Variants in PRKAR2B observed in about 807,000 individuals in gnomAD.
The protein encoded by PRKAR2B is protein kinase cAMP-dependent type II regulatory subunit beta, also known as cAMP-dependent protein kinase type II-beta regulatory subunit.
In PRKAR2B, 14 loss-of-function variants were observed where a neutral mutation model predicts 49.9. The observed-to-expected ratio is 0.28, with a 90% CI of 0.19 to 0.44. The LOEUF (loss-of-function observed/expected upper bound fraction) is 0.44. Ranked by LOEUF, PRKAR2B falls within the 20% of genes least tolerant of loss-of-function variation. The pLI, the probability that PRKAR2B is intolerant of heterozygous loss-of-function variation, is 1.00. For missense variants in PRKAR2B, 393 were observed against 537.9 expected, an observed-to-expected ratio of 0.73 and a Z score of 2.67; for synonymous variants, 196 against 197.7, an observed-to-expected ratio of 0.99 and a Z score of 0.07.
intron 2 of PRKAR2B, among the ~76,000 whole-genome samples, chr7:107,085,773 C>G (rs946046431): frequency 6.6e-6 from 1 of 152,154 alleles, no homozygotes; most frequent in African/African-American, 2.4e-5. Context: ...CTTAAAGCCA[C>G]CTCTTGCTTC....
At chr7:107,137,434 AATGGAT>A (rs1795718318) in intron 4 of PRKAR2B, among the ~76,000 whole-genome samples, 1 of 152,214 alleles carries the variant, frequency 6.6e-6, no homozygotes, top group African/African-American at 2.4e-5. Flanking sequence ...CTTTTTGGTG[AATGGAT>A]ATATGACAGC....
At chr7:107,120,404 G>A (rs1333336486) in intron 2 of PRKAR2B, among the ~76,000 whole-genome samples, 1 of 152,112 alleles carries the variant, frequency 6.6e-6, no homozygotes, top group Admixed American at 6.5e-5. Flanking sequence ...GGTGTTTAGA[G>A]TGGTGCCTGG....
chr7:107,054,527 C>A (rs1226718661), intron 1 of PRKAR2B, among the ~76,000 whole-genome samples: 5 of 152,134 alleles, frequency 3.3e-5, no homozygotes, highest in African/African-American at 1.2e-4. Flanking sequence ...TATATTTTAC[C>A]CTACCAAATA....
intron 2 of PRKAR2B, among the ~76,000 whole-genome samples, chr7:107,109,971 G>A (rs370870601): frequency 2.6e-5 from 4 of 152,282 alleles, no homozygotes; most frequent in African/African-American, 9.6e-5. Flanking sequence ...AGCACTCACA[G>A]TACCTGTTTT....
At chr7:107,071,364 A>G (rs1013437525) in intron 2 of PRKAR2B, among the ~76,000 whole-genome samples, 1 of 152,208 alleles carries the variant, frequency 6.6e-6, no homozygotes, top group Non-Finnish European at 1.5e-5. Flanking sequence ...TTATGTAGTG[A>G]CCAGGTCTAT....
rs368560598 is a variant in PRKAR2B, at chr7:107,143,006, G to A, written c.587+2053G>A. On this transcript the variant is annotated intron_variant, in intron 5 of 10. Transcript: ENST00000265717. ...TCGAACTCCTGCCTTCAGGTAATCCGCCTGCCTTGGCTTCCCAAAGTGGTG... is the reference window on the plus strand; with the variant it reads ...TCGAACTCCTGCCTTCAGGTAATCCACCTGCCTTGGCTTCCCAAAGTGGTG... Among the ~76,000 whole-genome samples, 13 of 152,190 alleles carry A rather than the reference G, an allele frequency of 8.5e-5. No homozygotes were observed. The South Asian group carries it at 2.1e-3, about 24-fold the overall frequency.
chr7:107,124,022 T>C (rs980452278), intron 3 of PRKAR2B, among the ~76,000 whole-genome samples: 1 of 152,176 alleles, frequency 6.6e-6, no homozygotes, highest in Non-Finnish European at 1.5e-5. Context: ...TTGGGAAATA[T>C]CTATGAGGAA....
chr7:107,077,594 A>G (rs972705192), intron 2 of PRKAR2B, among the ~76,000 whole-genome samples: 1 of 152,216 alleles, frequency 6.6e-6, no homozygotes, highest in African/African-American at 2.4e-5. Context: ...TCAAGCACCT[A>G]TGGCATGGAG....
chr7:107,068,081 G>C (rs573240709), intron 1 of PRKAR2B, among the ~76,000 whole-genome samples: 1 of 152,128 alleles, frequency 6.6e-6, no homozygotes, highest in Non-Finnish European at 1.5e-5. Context: ...CTGAATTACC[G>C]TGACAATCAA....
At chr7:107,109,958 G>A (rs1028169945) in intron 2 of PRKAR2B, among the ~76,000 whole-genome samples, 3 of 152,084 alleles carry the variant, frequency 2.0e-5, no homozygotes, top group Non-Finnish European at 2.9e-5. Flanking sequence ...CCAAAATCAG[G>A]TGAGCACTCA....
At chr7:107,134,029 T>TG (rs1035918986) in intron 4 of PRKAR2B, among the ~76,000 whole-genome samples, 1 of 152,076 alleles carries the variant, frequency 6.6e-6, no homozygotes, top group African/African-American at 2.4e-5. Context: ...CCTGTTTTTT[T>TG]TTGTTGTTGT....
intron 4 of PRKAR2B, 94 bp from the exon 5 acceptor site, chr7:107,140,753 C>A: frequency 1.2e-6 from 1 of 838,720 alleles, no homozygotes; most frequent in Middle Eastern, 3.6e-4. Context: ...ATTTCCATTT[C>A]TTTGGACTTG....
chr7:107,130,380 T>TG (rs1795583468), intron 4 of PRKAR2B, among the ~76,000 whole-genome samples: 1 of 151,922 alleles, frequency 6.6e-6, no homozygotes, highest in Non-Finnish European at 1.5e-5. Context: ...CGGGCGCCTG[T>TG]AGTCCCAGCT....
At chr7:107,136,978 A>C (rs912625812) in intron 4 of PRKAR2B, among the ~76,000 whole-genome samples, 1 of 152,226 alleles carries the variant, frequency 6.6e-6, no homozygotes, top group Non-Finnish European at 1.5e-5. Context: ...TGAGTGATCT[A>C]GTTATGAAAA....
At chr7:107,072,603 A>G (rs993830277) in intron 2 of PRKAR2B, among the ~76,000 whole-genome samples, 2 of 152,202 alleles carry the variant, frequency 1.3e-5, no homozygotes, top group South Asian at 2.1e-4. Context: ...TTTTTGACAA[A>G]GAATATAGAA....
At chr7:107,145,804 A>C (rs972004478) in intron 5 of PRKAR2B, among the ~76,000 whole-genome samples, 3 of 148,154 alleles carry the variant, frequency 2.0e-5, no homozygotes, top group Admixed American at 6.8e-5. Context: ...CAGTGGCACA[A>C]TCTCGGCTCA....
intron 3 of PRKAR2B, among the ~76,000 whole-genome samples, chr7:107,123,667 CCCAGGGTAGGG>C (rs1275996536): frequency 6.6e-6 from 1 of 152,100 alleles, no homozygotes; most frequent in Non-Finnish European, 1.5e-5. Flanking sequence ...CCAGCTTTGG[CCCAGGGTAGGG>C]CCAGGGTCAA....
intron 2 of PRKAR2B, among the ~76,000 whole-genome samples, chr7:107,079,844 A>G (rs1421192183): frequency 6.6e-6 from 1 of 152,230 alleles, no homozygotes; most frequent in African/African-American, 2.4e-5. Flanking sequence ...AAGAAAAAAT[A>G]GAATGTGAAG....
rs1793655129 is a variant in PRKAR2B, at chr7:107,044,806, C to T, written c.-102C>T. 3 of 931,360 alleles carry T rather than the reference C, an allele frequency of 3.2e-6. No homozygotes were observed. The highest frequency in any genetic ancestry group is 5.2e-5 in the South Asian group (1 of 19,098). The allele number at this position is 931,360 out of a possible 1,614,324, so 57.7% of individuals were successfully genotyped here. On this transcript the variant is annotated 5_prime_UTR_variant, in exon 1 of 11. Coordinates refer to ENST00000265717, the MANE Select transcript of PRKAR2B (RefSeq NM_002736.3). ...AGTGCGCCGCGCTCGCAGCCGGTAGCGCGCCAGCGCCGTAGGCGCTCGCTC... is the reference window on the plus strand; with the variant it reads ...AGTGCGCCGCGCTCGCAGCCGGTAGTGCGCCAGCGCCGTAGGCGCTCGCTC...
Sources: allele counts gnomAD v4.1 joint callset (sites outside exome capture counted in the v4.1 genomes callset), GRCh38; gene constraint gnomAD v4.1.1; transcripts MANE v1.5; gene names NCBI Gene and HGNC (gene_info 2026-07-23, HGNC 2026-07-21).